The following EYS variants were observed in gnomAD, a reference collection of about 807,000 sequenced individuals.
EYS encodes EGF-like photoreceptor maintenance factor.
In EYS, 250 loss-of-function variants were observed where a neutral mutation model predicts 282.1. The observed-to-expected ratio is 0.89, with a 90% confidence interval of 0.80 to 0.98. The LOEUF is 0.98. Among genes scored for constraint, EYS ranks in the 50% least tolerant of loss-of-function variants. The pLI, the probability that EYS is intolerant of heterozygous loss-of-function variation, is 0.00. For synonymous variants in EYS, 1,355 were observed against 1,282.9 expected (o/e 1.06, Z -1.20); for missense variants, 4,016 against 3,709.0 (o/e 1.08, Z -2.15).
rs1767069533 is a variant in EYS at position 64,885,860 on chromosome 6, T to C, written c.2992+837A>G. 2.0e-5 allele frequency among the ~76,000 whole-genome samples: 3 copies of C among 151,810 alleles called. 1 individual carries two copies. In the South Asian group the frequency reaches 6.2e-4, roughly 31 times the overall value. On this transcript the variant is annotated intron_variant, in intron 19 of 42. Coordinates refer to ENST00000503581, the MANE Select transcript of EYS (RefSeq NM_001142800.2). Reference sequence around the variant, plus strand: ...TTTCCATTTTTGCTTGCCAATATAATTTCCATGTGTCTAGTATTATTTTAT... The same window carrying C: ...TTTCCATTTTTGCTTGCCAATATAACTTCCATGTGTCTAGTATTATTTTAT...
In EYS at chr6:65,301,253, TGGGAGGCCGAGGC is replaced by T. The variant is rs569447015; in HGVS notation, c.1767-5147_1767-5135del. Among the ~76,000 whole-genome samples the T allele has an allele frequency of 7.1e-4, 108 of 152,306 alleles. No homozygotes were observed. The South Asian group carries it at 0.021, about 30-fold the overall frequency. On this transcript the variant is annotated intron_variant, in intron 11 of 42. Coordinates refer to ENST00000503581, the MANE Select transcript of EYS (RefSeq NM_001142800.2). Reference sequence around the variant, plus strand: ...ACTCATGCCTGTAATCCCAGCACTTTGGGAGGCCGAGGCGGGCAGATCACGAGGTCAGGAGATC... The same window carrying T: ...ACTCATGCCTGTAATCCCAGCACTTTGGGCAGATCACGAGGTCAGGAGATC...
chr6:64,025,022 C>A (rs1179814492), intron 33 of EYS, among the ~76,000 whole-genome samples: 1 of 152,110 alleles, frequency 6.6e-6, no homozygotes, highest in African/African-American at 2.4e-5. Flanking sequence ...TCGCCTATTG[C>A]CGAGCAGTGA....
In EYS at chr6:64,230,644, C is replaced by A; in HGVS notation, c.6372G>T (p.Val2124=). The A allele has an allele frequency of 6.4e-7, 1 of 1,551,544 alleles. No homozygotes were observed. Among genetic ancestry groups the A allele is most frequent in the Non-Finnish European group, 8.7e-7 (1 of 1,146,876 alleles). The stretch of plus-strand genomic sequence containing the variant: ...GTAGTGGACAGTCACATTGGAATGA[C>A]ACTATGCCACTGGAGAGGAAGATGG... The part of the protein sequence containing the change: ...CHAIFLSSGI[V]SFQCDCPLHF... Residue 2124 remains valine (V), a synonymous_variant, in exon 31 of 43, where the codon GTG becomes GTT. Transcript: ENST00000503581.
chr6:64,919,375 G>T (rs1484700456), intron 15 of EYS, among the ~76,000 whole-genome samples: 1 of 149,950 alleles, frequency 6.7e-6, no homozygotes. Context: ...TCACCATGTT[G>T]GTCAGGCTGG....
At chr6:65,622,768 TTC>T (rs1415093386) in intron 2 of EYS, among the ~76,000 whole-genome samples, 112 of 137,266 alleles carry the variant, frequency 8.2e-4, no homozygotes, top group Non-Finnish European at 1.6e-3. Flanking sequence ...TTTTTTTTTT[TTC>T]TGGTTTTGAA....
chr6:64,502,669 ATTTG>A (rs1291004380), intron 26 of EYS, among the ~76,000 whole-genome samples: 5 of 151,364 alleles, frequency 3.3e-5, no homozygotes, highest in African/African-American at 1.2e-4. Flanking sequence ...AATTCATTTT[ATTTG>A]TTTTTCTCTG....
chr6:65,295,660 G>T, intron 12 of EYS: 2 of 572,242 alleles, frequency 3.5e-6, no homozygotes, highest in Non-Finnish European at 6.1e-6. Context: ...CATGAGCAAG[G>T]CTGTGTAGTC....
At chr6:65,070,925 G>A (rs999719362) in intron 12 of EYS, among the ~76,000 whole-genome samples, 15 of 151,702 alleles carry the variant, frequency 9.9e-5, no homozygotes, top group Admixed American at 9.2e-4. Flanking sequence ...GGATAAAATG[G>A]ATGATAATAT....
At chr6:65,057,470 T>A (rs940249826) in intron 13 of EYS, 144 bp downstream of exon 13, 4 of 665,242 alleles carry the variant, frequency 6.0e-6, no homozygotes, top group Non-Finnish European at 1.1e-5. Flanking sequence ...TAAGGAATAA[T>A]TGGTTGGTCA....
chr6:65,580,421 A>G (rs1159364683), intron 2 of EYS, among the ~76,000 whole-genome samples: 2 of 152,134 alleles, frequency 1.3e-5, no homozygotes, highest in Non-Finnish European at 2.9e-5. Flanking sequence ...GCCTGAAATT[A>G]GGAAGATTTG....
At chr6:65,595,014 T>C (rs767738288) in intron 2 of EYS, among the ~76,000 whole-genome samples, 13 of 152,112 alleles carry the variant, frequency 8.5e-5, no homozygotes, top group Non-Finnish European at 1.6e-4. Context: ...TTCTGTTCCA[T>C]TGGTCTGTAT....
intron 14 of EYS, among the ~76,000 whole-genome samples, chr6:64,975,528 G>GTCTCTCC (rs1399413599): frequency 6.6e-6 from 1 of 151,730 alleles, no homozygotes; most frequent in Non-Finnish European, 1.5e-5. Context: ...ATATTCACAT[G>GTCTCTCC]AATAGCTGTC....
At chr6:64,467,861 C>T (rs1444620804) in intron 26 of EYS, among the ~76,000 whole-genome samples, 1 of 152,102 alleles carries the variant, frequency 6.6e-6, no homozygotes, top group Non-Finnish European at 1.5e-5. Flanking sequence ...CTGCTGGCAC[C>T]CATCTGCATA....
chr6:64,245,299 G>C (rs1766976424), intron 30 of EYS, among the ~76,000 whole-genome samples: 1 of 150,298 alleles, frequency 6.7e-6, no homozygotes, highest in African/African-American at 2.4e-5. Context: ...TGTTTGTTTT[G>C]TTTTTGTTTT....
At chr6:65,152,307 T>A (rs1159416608) in intron 12 of EYS, among the ~76,000 whole-genome samples, 1 of 151,910 alleles carries the variant, frequency 6.6e-6, no homozygotes, top group African/African-American at 2.4e-5. Context: ...TGAGAGGAAT[T>A]TTGTCCACCA....
intron 26 of EYS, among the ~76,000 whole-genome samples, chr6:64,449,775 G>A (rs540865370): frequency 6.6e-6 from 1 of 152,226 alleles, no homozygotes; most frequent in East Asian, 1.9e-4. Flanking sequence ...AAGTGAAGGA[G>A]AAATAAAATA....
At chr6:64,569,796 T>A (rs1038353658) in intron 26 of EYS, among the ~76,000 whole-genome samples, 1 of 151,810 alleles carries the variant, frequency 6.6e-6, no homozygotes, top group South Asian at 2.1e-4. Context: ...TGGAACTATG[T>A]GGAAAGACCA....
At chr6:64,296,578 ATATATACATATATATATATATTT>A (rs1769016723) in intron 30 of EYS, among the ~76,000 whole-genome samples, 1 of 5,922 alleles carries the variant, frequency 1.7e-4, no homozygotes, top group South Asian at 7.0e-3. Context: ...ATATATATAT[ATATATACATATATATATATATTT>A]TTTTTTTTTT....
At chr6:65,593,997 A>G (rs1765318430) in intron 2 of EYS, among the ~76,000 whole-genome samples, 1 of 151,986 alleles carries the variant, frequency 6.6e-6, no homozygotes, top group East Asian at 1.9e-4. Flanking sequence ...GTCAGCTGTT[A>G]GGTAGCATAG....
Sources: gnomAD v4.1 joint callset for allele counts (sites outside exome capture counted in the v4.1 genomes callset) on GRCh38, gnomAD v4.1.1 for gene constraint, MANE v1.5 for transcripts, NCBI Gene and HGNC (gene_info 2026-07-23, HGNC 2026-07-21) for gene names.